OSTF1: variants seen among roughly 807,000 people sequenced by gnomAD.
OSTF1 encodes the protein osteoclast-stimulating factor 1.
Under a neutral mutation model 37.2 loss-of-function variants are expected in OSTF1, and 27 were observed. The observed-to-expected ratio is 0.73, with a 90% CI of 0.54 to 1.00. OSTF1 has a LOEUF of 1.00. OSTF1 is among the 50% of genes least tolerant of loss of function. The pLI is 0.00. For missense variants in OSTF1, 232 were observed against 253.8 expected, an observed-to-expected ratio of 0.91 and a Z score of 0.58; for synonymous variants, 82 against 89.2, an observed-to-expected ratio of 0.92 and a Z score of 0.46.
chr9:75,097,462 C>T (rs1053241063), intron 1 of OSTF1, among the ~76,000 whole-genome samples: 5 of 152,300 alleles, frequency 3.3e-5, no homozygotes, highest in Middle Eastern at 3.4e-3. Context: ...GACCCCTCCC[C>T]TCAGCCAGAT....
At chr9:75,114,591 C>A (rs1825449334) in intron 1 of OSTF1, among the ~76,000 whole-genome samples, 1 of 148,814 alleles carries the variant, frequency 6.7e-6, no homozygotes, top group Non-Finnish European at 1.5e-5. Flanking sequence ...CTCTCTCTGT[C>A]ACCCAGGCTG....
intron 1 of OSTF1, 68 bp from the exon 2 acceptor site, chr9:75,117,436 T>C (rs1825508676): frequency 9.5e-7 from 1 of 1,051,510 alleles, no homozygotes; most frequent in Non-Finnish European, 1.5e-6. Flanking sequence ...AAGGATATAA[T>C]GGATAATGCT....
intron 7 of OSTF1, among the ~76,000 whole-genome samples, chr9:75,134,910 T>C (rs1385815114): frequency 3.9e-5 from 6 of 152,222 alleles, no homozygotes; most frequent in African/African-American, 1.4e-4. Flanking sequence ...TTTTTTGTTA[T>C]CTCACTGTGA....
Position 75,097,857 on chromosome 9 carries a change from T to G in OSTF1, c.34+9131T>G, listed in dbSNP as rs564360729. Among the ~76,000 whole-genome samples the G allele has an allele frequency of 2.9e-3, 439 of 151,814 alleles. 2 individuals are homozygous for G. The highest frequency in any genetic ancestry group is 4.7e-3 in the Non-Finnish European group (319 of 67,932). ...CTAGACTACTTTATGCCTCAGTTTT[T>G]TTTTTTTTTTTCTCTTTGAGGCAAG... On this transcript the variant is annotated intron_variant, in intron 1 of 9. Transcript: ENST00000346234.
intron 2 of OSTF1, among the ~76,000 whole-genome samples, chr9:75,126,712 C>G (rs1825667959): frequency 1.3e-5 from 2 of 152,170 alleles, no homozygotes. Context: ...TCTGCCTCAG[C>G]CTCCCGAGTA....
At chr9:75,091,537 A>C (rs981841651) in intron 1 of OSTF1, among the ~76,000 whole-genome samples, 1 of 152,198 alleles carries the variant, frequency 6.6e-6, no homozygotes, top group African/African-American at 2.4e-5. Flanking sequence ...GTTGACAGCA[A>C]GGAGAGTGGT....
intron 2 of OSTF1, among the ~76,000 whole-genome samples, chr9:75,125,283 C>G (rs1825644532): frequency 6.6e-6 from 1 of 152,136 alleles, no homozygotes; most frequent in Non-Finnish European, 1.5e-5. Context: ...TTTCTGGCCT[C>G]TCTGGGAGTG....
chr9:75,097,902 G>C (rs1825117234), intron 1 of OSTF1, among the ~76,000 whole-genome samples: 6 of 150,282 alleles, frequency 4.0e-5, no homozygotes, highest in Non-Finnish European at 7.4e-5. Context: ...CTGTTGCCCA[G>C]GCTGAGTGTG....
At chr9:75,098,311 T>C (rs1431017378) in intron 1 of OSTF1, among the ~76,000 whole-genome samples, 2 of 152,130 alleles carry the variant, frequency 1.3e-5, no homozygotes, top group Admixed American at 1.3e-4. Context: ...CAGATTTCCA[T>C]GAGAAACAAC....
At chr9:75,123,304 C>G (rs189901483) in intron 2 of OSTF1, among the ~76,000 whole-genome samples, 6 of 152,200 alleles carry the variant, frequency 3.9e-5, no homozygotes, top group Non-Finnish European at 8.8e-5. Context: ...CACCTGTAGT[C>G]CCAGCTACTC....
chr9:75,114,588 T>C (rs1329927812), intron 1 of OSTF1, among the ~76,000 whole-genome samples: 2 of 151,586 alleles, frequency 1.3e-5, no homozygotes, highest in Non-Finnish European at 2.9e-5. Flanking sequence ...GGTCTCTCTC[T>C]GTCACCCAGG....
intron 1 of OSTF1, among the ~76,000 whole-genome samples, chr9:75,110,026 T>C (rs1250428251): frequency 6.6e-6 from 1 of 152,204 alleles, no homozygotes; most frequent in African/African-American, 2.4e-5. Flanking sequence ...CCTCACCAGA[T>C]ACAGCATTCT....
intron 1 of OSTF1, among the ~76,000 whole-genome samples, chr9:75,097,090 A>G (rs952466091): frequency 6.6e-6 from 1 of 152,210 alleles, no homozygotes. Flanking sequence ...AGTGTCCATG[A>G]AACTTTGCAA....
chr9:75,144,849 A>G (rs1450421418), intron 9 of OSTF1, among the ~76,000 whole-genome samples: 1 of 152,168 alleles, frequency 6.6e-6, no homozygotes, highest in Admixed American at 6.5e-5. Context: ...GGATTCACAT[A>G]AGGTCAGTTT....
intron 1 of OSTF1, among the ~76,000 whole-genome samples, chr9:75,090,161 A>G (rs1824939371): frequency 6.6e-6 from 1 of 152,218 alleles, no homozygotes; most frequent in Non-Finnish European, 1.5e-5. Flanking sequence ...TTTGATAGCT[A>G]AACAATATTT....
rs1206724506 is a variant in OSTF1 at position 75,128,562 on chromosome 9, TATATATATATATTTTGTCC to T, written c.132+956_132+974del. Among the ~76,000 whole-genome samples the T allele has an allele frequency of 4.5e-4, 15 of 33,120 alleles. 5 individuals carry two copies. The highest frequency in any genetic ancestry group is 2.0e-3 in the African/African-American group (13 of 6,540). 21.7% of individuals were successfully genotyped at this position (33,120 alleles called of 152,430 possible). The stretch of plus-strand genomic sequence containing the variant: ...TATATATATTTTGTCCATATATATA[TATATATATATATTTTGTCC>T]ATATATATATATATATATATATATA... On this transcript the variant is annotated intron_variant, in intron 3 of 9. Transcript: ENST00000346234.
intron 1 of OSTF1, among the ~76,000 whole-genome samples, chr9:75,093,049 TCTCTTTCTTTC>T (rs1564151701): frequency 7.9e-6 from 1 of 126,554 alleles, no homozygotes; most frequent in African/African-American, 3.2e-5. Context: ...TTTCTCTCTC[TCTCTTTCTTTC>T]TTTCTTTTTT....
At chr9:75,107,311 G>A (rs1825305899) in intron 1 of OSTF1, among the ~76,000 whole-genome samples, 2 of 152,010 alleles carry the variant, frequency 1.3e-5, no homozygotes, top group African/African-American at 4.8e-5. Flanking sequence ...TTCTTACCCC[G>A]AGAGTAGCCA....
intron 2 of OSTF1, among the ~76,000 whole-genome samples, chr9:75,122,218 A>G (rs192734288): frequency 6.6e-5 from 10 of 152,248 alleles, no homozygotes; most frequent in Admixed American, 6.5e-4. Context: ...AACCAGCAGG[A>G]CCCTGCTCTG....
Sources: gnomAD v4.1 joint callset for allele counts (sites outside exome capture counted in the v4.1 genomes callset) on GRCh38, gnomAD v4.1.1 for gene constraint, MANE v1.5 for transcripts, NCBI Gene and HGNC (gene_info 2026-07-23, HGNC 2026-07-21) for gene names.